Variants in SLC28A2 observed in about 807,000 individuals in gnomAD.
SLC28A2 encodes sodium/nucleoside cotransporter 2.
SLC28A2 carries 69 observed loss-of-function variants against 72.9 expected under a neutral mutation model. The observed-to-expected ratio is 0.95, with a 90% CI of 0.78 to 1.16. The LOEUF (loss-of-function observed/expected upper bound fraction) is 1.16, where lower values mean the gene tolerates loss of function less well. Among genes scored for constraint, SLC28A2 ranks in the 50% most tolerant of loss-of-function variants. SLC28A2 has a pLI of 0.00. For synonymous variants in SLC28A2, 296 were observed against 294.1 expected (o/e 1.01, Z -0.07); for missense variants, 745 against 791.1 (o/e 0.94, Z 0.70).
intron 12 of SLC28A2, 76 bp from the exon 13 acceptor site, chr15:45,268,134 C>A: frequency 7.1e-7 from 1 of 1,408,062 alleles, no homozygotes; most frequent in Non-Finnish European, 9.8e-7. Context: ...ACGATAGGGA[C>A]AGTGGGATTT....
Position 45,267,500 on chromosome 15 carries a change from C to T in SLC28A2, c.988C>T (p.Leu330Phe). Residue 330 changes from leucine to phenylalanine, a missense_variant, in exon 11 of 18, where the codon CTC (leucine) becomes TTC (phenylalanine). By Grantham distance (22) the Leu-to-Phe change is conservative. Transcript: ENST00000347644. ...LIRPYLGDMT[L>F]SEIHAVMTGG... ...CCGTCCCTACCTTGGGGACATGACA[C>T]TCTCTGAAATCCATGCGGTGATGAC... 1.2e-6 allele frequency: 2 copies of T among 1,614,172 alleles called. No homozygotes were observed. Among genetic ancestry groups the T allele is most frequent in the Non-Finnish European group, 8.5e-7 (1 of 1,180,004 alleles).
chr15:45,253,565 G>A, intron 3 of SLC28A2, 45 bp downstream of exon 3: 7 of 1,353,190 alleles, frequency 5.2e-6, no homozygotes, highest in Non-Finnish European at 7.4e-6. Flanking sequence ...AGGATCTAGG[G>A]TGGGCTGCCC....
In SLC28A2 at chr15:45,277,036, T is replaced by C. The variant is rs1171682831; in HGVS notation, c.*1523T>C. 2.0e-5 allele frequency: 3 copies of C among 151,978 alleles called. No homozygotes were observed. Among genetic ancestry groups the C allele is most frequent in the East Asian group, 1.9e-4 (1 of 5,192 alleles). 9.4% of individuals were successfully genotyped at this position (151,978 alleles called of 1,614,324 possible). On this transcript the variant is annotated 3_prime_UTR_variant, in exon 18 of 18. Transcript: ENST00000347644. ...TCTGACAGTGTGTCTCCAGACATTA[T>C]TGGTGATTAAAGTGGGAGGATGCTA... is the stretch of plus-strand genomic sequence containing the variant.
chr15:45,253,111 T>C, intron 1 of SLC28A2, 89 bp from the exon 2 acceptor site: 2 of 763,836 alleles, frequency 2.6e-6, no homozygotes, highest in Non-Finnish European at 4.5e-6. Flanking sequence ...TTTTGCGTTT[T>C]CCATGGGTAA....
intron 8 of SLC28A2, 47 bp downstream of exon 8, chr15:45,265,213 A>G (rs764925138): frequency 2.4e-6 from 3 of 1,241,360 alleles, no homozygotes; most frequent in Non-Finnish European, 3.6e-6. Flanking sequence ...GGAGGGGTAG[A>G]GGAATAAAGC....
chr15:45,259,125 G>T (rs1900069448), intron 3 of SLC28A2, among the ~76,000 whole-genome samples: 1 of 151,760 alleles, frequency 6.6e-6, no homozygotes, highest in Non-Finnish European at 1.5e-5. Context: ...TCTTTAATTG[G>T]CAGTGTTTTT....
At chr15:45,274,876 A>C (rs1296840257) in intron 17 of SLC28A2, among the ~76,000 whole-genome samples, 1 of 151,864 alleles carries the variant, frequency 6.6e-6, no homozygotes, top group African/African-American at 2.4e-5. Context: ...CAGGCCAGGC[A>C]TGTGTCACCA....
intron 5 of SLC28A2, among the ~76,000 whole-genome samples, chr15:45,263,573 T>A (rs2413770): frequency 2.2e-4 from 33 of 152,246 alleles, no homozygotes; most frequent in African/African-American, 7.5e-4. Flanking sequence ...TACATTAAGC[T>A]ATCAAATTGA....
rs1900746538 is a variant in SLC28A2, at chr15:45,276,008, C to T, written c.*495C>T. 6.6e-6 allele frequency: 1 copy of T among 151,392 alleles called. No homozygotes were observed. The highest frequency in any genetic ancestry group is 1.5e-5 in the Non-Finnish European group (1 of 68,058). 9.4% of individuals were successfully genotyped at this position (151,392 alleles called of 1,614,324 possible). A position where few individuals can be genotyped will look rare whatever the true frequency, so the allele number is the denominator to read the frequency against. On this transcript the variant is annotated 3_prime_UTR_variant, in exon 18 of 18. Coordinates refer to ENST00000347644, the MANE Select transcript of SLC28A2 (RefSeq NM_004212.4). The stretch of plus-strand genomic sequence containing the variant: ...TAACGAAAAATAGCTTTTGTTTTTC[C>T]ATTATTTGGCTGAACCAAAAAATGG...
At position 45,272,313 on chromosome 15, in the gene SLC28A2, G is replaced by A. The variant is rs753162978; in HGVS notation, c.1667G>A (p.Arg556Gln). ...LGGLTSIVPH[R>Q]KSDLSKVVVR... is the part of the protein sequence containing the mutation. The stretch of plus-strand genomic sequence containing the variant: ...TCTGCAGCATCAATAGTACCTCACC[G>A]GAAGAGTGACTTGTCCAAGGTTGTG... Residue 556 changes from arginine (R) to glutamine (Q), a missense_variant, in exon 16 of 18, where the codon CGG (arginine) becomes CAG (glutamine). Arg to Gln is a conservative substitution (Grantham distance 43). Coordinates refer to ENST00000347644, the MANE Select transcript of SLC28A2 (RefSeq NM_004212.4). 7.4e-6 allele frequency: 12 copies of A among 1,613,524 alleles called. No homozygotes were observed. In the East Asian group the frequency reaches 1.3e-4, roughly 18 times the overall value.
At chr15:45,265,969 A>T in intron 9 of SLC28A2, 112 bp from the exon 10 acceptor site, 1 of 808,368 alleles carries the variant, frequency 1.2e-6, no homozygotes, top group Non-Finnish European at 2.1e-6. Context: ...TTGCTGCTCT[A>T]CTTCTCTAGG....
At position 45,273,864 on chromosome 15, in the gene SLC28A2, G is replaced by A. The variant is rs536245499; in HGVS notation, c.1859+1080G>A. Among the ~76,000 whole-genome samples the A allele has an allele frequency of 2.0e-5, 3 of 152,310 alleles. No homozygotes were observed. In the East Asian group the frequency reaches 5.8e-4, roughly 29 times the overall value. On this transcript the variant is annotated intron_variant, in intron 17 of 17. Transcript: ENST00000347644. Reference sequence around the variant, plus strand: ...TCCGGCATAAGCAAGTGGGTCTAAGGAGTGCCATTCATTCACAGAAGAGGA... The same window carrying A: ...TCCGGCATAAGCAAGTGGGTCTAAGAAGTGCCATTCATTCACAGAAGAGGA...
At chr15:45,273,236 T>C (rs182006086) in intron 17 of SLC28A2, among the ~76,000 whole-genome samples, 2 of 152,320 alleles carry the variant, frequency 1.3e-5, no homozygotes, top group East Asian at 3.9e-4. Flanking sequence ...GACTTAGCAA[T>C]GGTTATAAGT....
Position 45,269,417 on chromosome 15 carries a change from TG to T in SLC28A2, c.1450del (p.Val484TrpfsTer7). The part of the protein sequence containing the change: ...EWTDCPMVAE[M>X]VGIKFFINEF... ...ACAGACTGTCCAATGGTGGCTGAGA[TG>T]GTGGGAATCAAGTTCTTCATAAATG... is the stretch of plus-strand genomic sequence containing the variant. On this transcript the variant is annotated frameshift_variant, in exon 14 of 18. Coordinates refer to ENST00000347644, the MANE Select transcript of SLC28A2 (RefSeq NM_004212.4). LOFTEE classifies it high-confidence loss of function. 6.2e-7 allele frequency: 1 copy of T among 1,614,036 alleles called. No homozygotes were observed. Among genetic ancestry groups the T allele is most frequent in the Non-Finnish European group, 8.5e-7 (1 of 1,179,958 alleles).
intron 12 of SLC28A2, 45 bp downstream of exon 12, chr15:45,267,841 T>A (rs760925548): frequency 1.9e-6 from 3 of 1,610,036 alleles, no homozygotes; most frequent in South Asian, 2.2e-5. Flanking sequence ...TGAGCTGTAG[T>A]TAAGAGTGGC....
intron 3 of SLC28A2, among the ~76,000 whole-genome samples, chr15:45,254,822 A>T (rs539788803): frequency 6.6e-6 from 1 of 152,334 alleles, no homozygotes; most frequent in East Asian, 1.9e-4. Flanking sequence ...TTTTATATAT[A>T]CTGAATTGAC....
chr15:45,268,378 G>A lies in SLC28A2; in HGVS notation c.1368G>A (p.Gln456=), dbSNP rs1900415696. 6.3e-7 allele frequency: 1 copy of A among 1,583,252 alleles called. No homozygotes were observed. The highest frequency in any genetic ancestry group is 8.6e-7 in the Non-Finnish European group (1 of 1,156,124). Residue 456 remains glutamine (Q), a splice_region_variant and synonymous_variant, in exon 13 of 18, where the codon CAG becomes CAA. Coordinates refer to ENST00000347644, the MANE Select transcript of SLC28A2 (RefSeq NM_004212.4). ...TGGACATACAGGGGCTCACTTTCCA[G>A]GTAAAGGATTACATTTGTTGGGCTG... is the stretch of plus-strand genomic sequence containing the variant. ...ELVDIQGLTF[Q]VICSYLLRPM...
chr15:45,256,534 A>C (rs1404946664), intron 3 of SLC28A2, among the ~76,000 whole-genome samples: 1 of 151,702 alleles, frequency 6.6e-6, no homozygotes, highest in African/African-American at 2.4e-5. Context: ...CAGCCTCCCG[A>C]GTAGCTGGGA....
chr15:45,264,682 C>G lies in SLC28A2; in HGVS notation c.616C>G (p.Leu206Val), dbSNP rs762121030. Residue 206 changes from leucine to valine, a missense_variant, in exon 7 of 18, where the codon CTA becomes GTA. Leu to Val is a conservative substitution (Grantham distance 32). Transcript: ENST00000347644. ...GTCCTGGAGGACAGTGTTTTCGGGC[C>G]TAGGTCTTCAATTTGTCTTTGGGAT... ...AVSWRTVFSG[L>V]GLQFVFGILV... 1.9e-6 allele frequency: 3 copies of G among 1,613,262 alleles called. No individual in the cohort carries two copies. In the Admixed American group the frequency reaches 5.0e-5, roughly 27 times the overall value.
Sources: allele counts gnomAD v4.1 joint callset (sites outside exome capture counted in the v4.1 genomes callset), GRCh38; gene constraint gnomAD v4.1.1; transcripts MANE v1.5; gene names NCBI Gene and HGNC (gene_info 2026-07-23, HGNC 2026-07-21).